STT3B: variants seen among roughly 807,000 people sequenced by gnomAD.
STT3B encodes STT3 oligosaccharyltransferase complex catalytic subunit B.
Under a neutral mutation model 96.8 loss-of-function variants are expected in STT3B, and 29 were observed. The observed-to-expected ratio is 0.30, with a 90% CI of 0.22 to 0.41. The LOEUF (loss-of-function observed/expected upper bound fraction) is 0.41, where lower values mean the gene tolerates loss of function less well. Among genes scored for constraint, STT3B ranks in the 10% least tolerant of loss-of-function variants. STT3B has a pLI of 1.00. For synonymous variants in STT3B, 367 were observed against 360.0 expected (o/e 1.02, Z -0.22); for missense variants, 640 against 1,022.3 (o/e 0.63, Z 5.10).
At chr3:31,544,686 G>A (rs1004110733) in intron 1 of STT3B, among the ~76,000 whole-genome samples, 19 of 152,186 alleles carry the variant, frequency 1.2e-4, no homozygotes, top group African/African-American at 4.6e-4. Context: ...CATTTGCACG[G>A]GGCGCGGTGG....
Position 31,625,039 on chromosome 3 carries a change from C to G in STT3B, c.1853C>G (p.Thr618Ser). Residue 618 changes from threonine (T) to serine (S), a missense_variant, in exon 12 of 16, where the codon ACT (threonine) becomes AGT (serine). Coordinates refer to ENST00000295770, the MANE Select transcript of STT3B (RefSeq NM_178862.3). ...CAGATAGCTGGAATGGCTAATAGAA[C>G]TACGTTGGTGGATAATAACACCTGG... ...GYQIAGMANR[T>S]TLVDNNTWNN... 6.2e-7 allele frequency: 1 copy of G among 1,613,626 alleles called. No homozygotes were observed. The highest frequency in any genetic ancestry group is 8.5e-7 in the Non-Finnish European group (1 of 1,179,754).
chr3:31,604,671 T>C (rs1274956949), intron 5 of STT3B, among the ~76,000 whole-genome samples: 3 of 152,196 alleles, frequency 2.0e-5, no homozygotes, highest in Non-Finnish European at 4.4e-5. Context: ...TAGCATATGA[T>C]CAAAATGGAA....
chr3:31,563,583 C>T (rs1697930996), intron 1 of STT3B, among the ~76,000 whole-genome samples: 3 of 152,140 alleles, frequency 2.0e-5, no homozygotes. Flanking sequence ...TGAAAGAAGG[C>T]CTTTCTGAGA....
intron 14 of STT3B, 50 bp from the exon 15 acceptor site, chr3:31,632,885 T>C: frequency 6.6e-7 from 1 of 1,508,520 alleles, no homozygotes; most frequent in East Asian, 2.3e-5. Context: ...CTTATAACAC[T>C]GAATGTTTTC....
intron 3 of STT3B, among the ~76,000 whole-genome samples, chr3:31,582,216 T>C (rs188622970): frequency 1.3e-5 from 2 of 152,146 alleles, no homozygotes. Flanking sequence ...AAGCACTCTA[T>C]TTTATCTCTG....
intron 4 of STT3B, among the ~76,000 whole-genome samples, chr3:31,598,124 C>T (rs1312922111): frequency 4.6e-5 from 7 of 152,088 alleles, no homozygotes; most frequent in South Asian, 2.1e-4. Context: ...GTGTGAGCCA[C>T]GGCACCTGGC....
intron 3 of STT3B, among the ~76,000 whole-genome samples, chr3:31,591,343 A>G (rs928219233): frequency 2.0e-5 from 3 of 151,778 alleles, no homozygotes; most frequent in Admixed American, 1.3e-4. Flanking sequence ...GTATCTCTGG[A>G]TTTTAAAAGT....
rs78899722 is a variant in STT3B, at chr3:31,636,135, C to T, written c.*71C>T. 4.1e-6 allele frequency: 5 copies of T among 1,216,808 alleles called. No homozygotes were observed. Among genetic ancestry groups the T allele is most frequent in the Middle Eastern group, 2.0e-4 (1 of 5,102 alleles). 75.4% of individuals were successfully genotyped at this position (1,216,808 alleles called of 1,614,324 possible). ...ACCGGTCTTTGCCTTTAGCTCATGT[C>T]GTGTTTCACAGCAAAGAGGGTACAG... On this transcript the variant is annotated 3_prime_UTR_variant, in exon 16 of 16. Coordinates refer to ENST00000295770, the MANE Select transcript of STT3B (RefSeq NM_178862.3).
chr3:31,556,251 A>G (rs1176676666), intron 1 of STT3B, among the ~76,000 whole-genome samples: 3 of 152,184 alleles, frequency 2.0e-5, no homozygotes, highest in Non-Finnish European at 4.4e-5. Flanking sequence ...TTTATGGCCA[A>G]ATAATATTCC....
chr3:31,534,879 A>G (rs1359719390), intron 1 of STT3B, among the ~76,000 whole-genome samples: 1 of 152,188 alleles, frequency 6.6e-6, no homozygotes, highest in East Asian at 1.9e-4. Context: ...TAGACTATTT[A>G]TGAGCCTAAG....
chr3:31,589,867 A>G (rs746553501), intron 3 of STT3B, among the ~76,000 whole-genome samples: 6 of 151,846 alleles, frequency 4.0e-5, no homozygotes, highest in African/African-American at 1.2e-4. Flanking sequence ...TGGAACCTCT[A>G]ACATCACGTT....
intron 1 of STT3B, among the ~76,000 whole-genome samples, chr3:31,572,540 G>T (rs138112148): frequency 2.0e-5 from 3 of 152,124 alleles, no homozygotes; most frequent in African/African-American, 7.2e-5. Context: ...ACTAAGTGTT[G>T]TAAGTTTGAA....
intron 5 of STT3B, among the ~76,000 whole-genome samples, chr3:31,608,115 T>C (rs1438497085): frequency 6.6e-6 from 1 of 152,200 alleles, no homozygotes; most frequent in Non-Finnish European, 1.5e-5. Flanking sequence ...AATATTATTA[T>C]TTGCATTAAT....
chr3:31,602,563 G>C (rs186728242), intron 5 of STT3B, among the ~76,000 whole-genome samples: 1 of 151,506 alleles, frequency 6.6e-6, no homozygotes, highest in East Asian at 1.9e-4. Flanking sequence ...CTACATAAAA[G>C]TTTAAAATTC....
intron 1 of STT3B, among the ~76,000 whole-genome samples, chr3:31,546,094 CTG>C (rs1458141590): frequency 1.3e-5 from 2 of 152,070 alleles, no homozygotes; most frequent in African/African-American, 2.4e-5. Context: ...AACATTAAAA[CTG>C]TTTTCTGATG....
intron 1 of STT3B, among the ~76,000 whole-genome samples, chr3:31,535,654 C>G (rs779145060): frequency 6.6e-6 from 1 of 152,042 alleles, no homozygotes; most frequent in African/African-American, 2.4e-5. Context: ...ACCCGGGAGG[C>G]GAAGGTTGCA....
intron 1 of STT3B, among the ~76,000 whole-genome samples, chr3:31,574,073 G>A (rs1698214040): frequency 6.6e-6 from 1 of 152,156 alleles, no homozygotes; most frequent in African/African-American, 2.4e-5. Context: ...TTTTTAAAAT[G>A]TGTTATTAGC....
chr3:31,552,807 C>T (rs975806680), intron 1 of STT3B, among the ~76,000 whole-genome samples: 1 of 152,134 alleles, frequency 6.6e-6, no homozygotes, highest in African/African-American at 2.4e-5. Flanking sequence ...AAGATAGGCT[C>T]TTAAAACCAA....
intron 6 of STT3B, among the ~76,000 whole-genome samples, 192 bp from the exon 7 acceptor site, chr3:31,616,737 A>C: frequency 6.6e-6 from 1 of 151,884 alleles, no homozygotes; most frequent in East Asian, 1.9e-4. Context: ...AGGAAAAAAA[A>C]AAAAAGTCAC....
Sources: allele counts gnomAD v4.1 joint callset (sites outside exome capture counted in the v4.1 genomes callset), GRCh38; gene constraint gnomAD v4.1.1; transcripts MANE v1.5; gene names NCBI Gene and HGNC (gene_info 2026-07-23, HGNC 2026-07-21).